PYY: variants seen among roughly 807,000 people sequenced by gnomAD.
The protein encoded by PYY is peptide tyrosine tyrosine.
Under a neutral mutation model 10.3 loss-of-function variants are expected in PYY, and 12 were observed. The observed-to-expected ratio is 1.17, with a 90% CI of 0.75 to 1.89. The LOEUF (loss-of-function observed/expected upper bound fraction) is 1.89. PYY is among the 40% of genes most tolerant of loss of function. PYY has a pLI of 0.00. For synonymous variants in PYY, 66 were observed against 62.0 expected (o/e 1.06, Z -0.30); for missense variants, 141 against 134.0 (o/e 1.05, Z -0.26).
upstream of PYY, among the ~76,000 whole-genome samples, chr17:43,955,713 G>A (rs80089203): frequency 0.011 from 1,697 of 152,228 alleles, 36 homozygotes; most frequent in African/African-American, 0.039. Flanking sequence ...CAGTATGAGC[G>A]GTTCCCAGAA....
At chr17:43,960,706 C>T (rs2048706417) in intron 2 of PYY, among the ~76,000 whole-genome samples, 1 of 151,168 alleles carries the variant, frequency 6.6e-6, no homozygotes. Flanking sequence ...AAAAATTAGT[C>T]AGGCATGGTG....
At chr17:43,967,941 TCTAGCA>T (rs2143913071) in intron 1 of PYY, among the ~76,000 whole-genome samples, 1 of 152,188 alleles carries the variant, frequency 6.6e-6, no homozygotes, top group South Asian at 2.1e-4. Flanking sequence ...AAAGGGAAGG[TCTAGCA>T]CTGAGAGAGA....
chr17:43,992,134 A>AC (rs1393560401), intron 1 of PYY, among the ~76,000 whole-genome samples: 1 of 151,816 alleles, frequency 6.6e-6, no homozygotes, highest in Admixed American at 6.6e-5. Context: ...AAAAAAAAAA[A>AC]AAAAAAAACC....
chr17:43,984,050 C>A (rs554192942), intron 1 of PYY, among the ~76,000 whole-genome samples: 7 of 152,236 alleles, frequency 4.6e-5, no homozygotes, highest in Non-Finnish European at 1.0e-4. Context: ...CCCCGGCCGC[C>A]GGAGGCCCTT....
intron 1 of PYY, among the ~76,000 whole-genome samples, chr17:43,998,838 C>A (rs2049007042): frequency 6.6e-6 from 1 of 152,106 alleles, no homozygotes; most frequent in Non-Finnish European, 1.5e-5. Flanking sequence ...GGGAATGGCG[C>A]TCTGATTTAG....
upstream of PYY, among the ~76,000 whole-genome samples, chr17:43,955,566 G>A (rs2048666278): frequency 6.6e-6 from 1 of 152,116 alleles, no homozygotes; most frequent in South Asian, 2.1e-4. Flanking sequence ...CAGGACAAGG[G>A]GACATAGATC....
rs1597849639 is a variant in PYY, at chr17:43,972,215, A to ATTTATTTATTTATTTATTTATTTT, written c.-462-5684_-462-5683insAAAATAAATAAATAAATAAATAAA. Among the ~76,000 whole-genome samples, 17 of 147,654 alleles carry ATTTATTTATTTATTTATTTATTTT rather than the reference A, an allele frequency of 1.2e-4. No homozygotes were observed. In the East Asian group the frequency reaches 2.9e-3, roughly 26 times the overall value. ...ATTTTATTTATTTATTTATTTATTTATTTATTTATTTATTGAGAGAGGGAG... is the reference window on the plus strand; with the variant it reads ...ATTTTATTTATTTATTTATTTATTTATTTATTTATTTATTTATTTATTTTTTTATTTATTTATTGAGAGAGGGAG... On this transcript the variant is annotated intron_variant, in intron 1 of 6. Coordinates refer to the PYY transcript ENST00000360085.
intron 2 of PYY, among the ~76,000 whole-genome samples, chr17:43,963,588 AAG>A (rs35648964): frequency 0.016 from 1,174 of 74,122 alleles, 20 homozygotes; most frequent in African/African-American, 0.043. Flanking sequence ...GAAAGAAAGA[AAG>A]AAAGAAAGAA....
intron 1 of PYY, among the ~76,000 whole-genome samples, chr17:43,967,398 T>C (rs2048761955): frequency 6.6e-6 from 1 of 152,136 alleles, no homozygotes; most frequent in Non-Finnish European, 1.5e-5. Flanking sequence ...TCAGGGCCTG[T>C]CCACAGCAGG....
At chr17:43,954,949 C>T (rs1642600), upstream of PYY, among the ~76,000 whole-genome samples, 90,418 of 152,142 alleles carry the variant, frequency 0.59, 27,778 homozygotes, top group South Asian at 0.73. Context: ...AACTGAAGCC[C>T]TGGGAGGTGA....
intron 1 of PYY, among the ~76,000 whole-genome samples, chr17:43,984,157 G>GT (rs879404867): frequency 7.4e-6 from 1 of 134,984 alleles, no homozygotes; most frequent in Non-Finnish European, 1.6e-5. Flanking sequence ...GTCGCTGTTA[G>GT]GGGGGGCGCC....
chr17:43,976,456 T>C (rs2048849122), intron 1 of PYY, among the ~76,000 whole-genome samples: 1 of 145,638 alleles, frequency 6.9e-6, no homozygotes, highest in Admixed American at 7.1e-5. Flanking sequence ...TACATATACA[T>C]ATATATACAC....
chr17:43,953,985 G>A (rs1277348327), upstream of PYY: 1 of 154,304 alleles, frequency 6.5e-6, no homozygotes, highest in East Asian at 1.9e-4. Flanking sequence ...CCTGGAAAGG[G>A]AGGGGGAGTC....
chr17:43,981,491 T>C (rs1364545599), intron 1 of PYY, among the ~76,000 whole-genome samples: 3 of 151,916 alleles, frequency 2.0e-5, no homozygotes, highest in African/African-American at 7.3e-5. Flanking sequence ...TTTCATGGTT[T>C]TGTTTGTTTG....
At chr17:43,971,173 C>T (rs545932292) in intron 1 of PYY, among the ~76,000 whole-genome samples, 2 of 152,294 alleles carry the variant, frequency 1.3e-5, no homozygotes, top group South Asian at 2.1e-4. Context: ...CATCAATGGA[C>T]AAGAGTTCTA....
chr17:43,959,561 A>T (rs958108259), intron 2 of PYY, among the ~76,000 whole-genome samples: 2 of 152,244 alleles, frequency 1.3e-5, no homozygotes, highest in Non-Finnish European at 2.9e-5. Context: ...GCATGCCTAT[A>T]ATCCCAGCTA....
intron 1 of PYY, among the ~76,000 whole-genome samples, chr17:43,985,078 G>T (rs1228018743): frequency 6.6e-6 from 1 of 151,996 alleles, no homozygotes; most frequent in African/African-American, 2.4e-5. Context: ...AAATTAAAAG[G>T]CAACTCTCAA....
intron 2 of PYY, among the ~76,000 whole-genome samples, chr17:43,959,965 T>C (rs1017597489): frequency 3.9e-5 from 6 of 152,370 alleles, no homozygotes; most frequent in South Asian, 4.1e-4. Flanking sequence ...ACCAGGCCCT[T>C]ATGGACTTGT....
At chr17:43,956,160 G>A (rs943995910), upstream of PYY, among the ~76,000 whole-genome samples, 2 of 151,922 alleles carry the variant, frequency 1.3e-5, no homozygotes, top group Non-Finnish European at 2.9e-5. Flanking sequence ...GCCTGAATTC[G>A]GGCTACAACC....
Sources: gnomAD v4.1 joint callset for allele counts (sites outside exome capture counted in the v4.1 genomes callset) on GRCh38, gnomAD v4.1.1 for gene constraint, MANE v1.5 for transcripts, NCBI Gene and HGNC (gene_info 2026-07-23, HGNC 2026-07-21) for gene names.